The following SEMA3C variants were observed in gnomAD, a reference collection of about 807,000 sequenced individuals.
The protein encoded by SEMA3C is semaphorin-3C.
Under a neutral mutation model 89.4 loss-of-function variants are expected in SEMA3C, and 47 were observed. The ratio of observed to expected loss-of-function variants is 0.53; its 90% CI spans 0.42 to 0.67. The LOEUF is 0.67. SEMA3C is among the 30% of genes least tolerant of loss of function. SEMA3C has a pLI of 0.00. For synonymous variants in SEMA3C, 310 were observed against 320.2 expected (o/e 0.97, Z 0.34); for missense variants, 839 against 929.1 (o/e 0.90, Z 1.26).
intron 2 of SEMA3C, among the ~76,000 whole-genome samples, chr7:80,899,688 C>A (rs1171655987): frequency 1.3e-5 from 2 of 152,142 alleles, no homozygotes; most frequent in African/African-American, 4.8e-5. Context: ...AGAAACCAGG[C>A]TAGAAGAAGG....
chr7:80,782,360 G>A (rs1313790480), intron 12 of SEMA3C, among the ~76,000 whole-genome samples: 1 of 152,138 alleles, frequency 6.6e-6, no homozygotes, highest in Non-Finnish European at 1.5e-5. Flanking sequence ...ACATATGGAT[G>A]GGTTAAAATG....
chr7:80,827,066 C>CCA (rs1789888188), intron 4 of SEMA3C, among the ~76,000 whole-genome samples: 1 of 152,072 alleles, frequency 6.6e-6, no homozygotes, highest in Admixed American at 6.6e-5. Context: ...TTGGAAAAGC[C>CCA]CACAGGGTAT....
chr7:80,833,698 T>C (rs1034825225), intron 2 of SEMA3C, among the ~76,000 whole-genome samples: 3 of 152,138 alleles, frequency 2.0e-5, no homozygotes, highest in Non-Finnish European at 2.9e-5. Flanking sequence ...GCCTAGGCTA[T>C]TTTGTTAAAA....
chr7:80,750,924 A>G (rs761467963), intron 16 of SEMA3C, among the ~76,000 whole-genome samples: 3 of 152,174 alleles, frequency 2.0e-5, no homozygotes, highest in Non-Finnish European at 4.4e-5. Context: ...CAGTAAAAAA[A>G]TGCTGTTCTA....
At chr7:80,778,493 TATC>T (rs1265019016) in intron 12 of SEMA3C, among the ~76,000 whole-genome samples, 1 of 152,204 alleles carries the variant, frequency 6.6e-6, no homozygotes, top group Non-Finnish European at 1.5e-5. Context: ...CACCATTTTT[TATC>T]ATAAGATAGG....
At chr7:80,797,882 C>T (rs1356857486) in intron 11 of SEMA3C, among the ~76,000 whole-genome samples, 1 of 152,012 alleles carries the variant, frequency 6.6e-6, no homozygotes, top group African/African-American at 2.4e-5. Context: ...CTTGTAATCC[C>T]AGTTACTTAG....
intron 16 of SEMA3C, among the ~76,000 whole-genome samples, 195 bp from the exon 17 acceptor site, chr7:80,749,223 G>A (rs7797670): frequency 0.46 from 70,120 of 151,952 alleles, 16,225 homozygotes; most frequent in South Asian, 0.5. Flanking sequence ...GTTTGTGTAA[G>A]GGGAAGGAAA....
In SEMA3C at chr7:80,758,367, C is replaced by T; in HGVS notation, c.1607G>A (p.Gly536Asp). The change falls in exon 15 of 18, where the codon GGC becomes GAC. Residue 536 changes from glycine to aspartate, a missense_variant. Transcript: ENST00000265361. ...TGGGTAGAATCTGGAACAGGAATGGCCATCCCAGGCGCAATAAGGGTCCCG... is the reference window on the plus strand; with the variant it reads ...TGGGTAGAATCTGGAACAGGAATGGTCATCCCAGGCGCAATAAGGGTCCCG... Reference protein sequence around the residue: ...LARDPYCAWDGHSCSRFYPTG... With the variant: ...LARDPYCAWDDHSCSRFYPTG... The T allele has an allele frequency of 6.2e-7, 1 of 1,613,824 alleles. No homozygotes were observed. The highest frequency in any genetic ancestry group is 8.5e-7 in the Non-Finnish European group (1 of 1,179,938).
At chr7:80,809,782 A>G (rs1412996643) in intron 6 of SEMA3C, among the ~76,000 whole-genome samples, 1 of 152,226 alleles carries the variant, frequency 6.6e-6, no homozygotes, top group Non-Finnish European at 1.5e-5. Context: ...GCCTTAAAAA[A>G]GAATGAAATT....
At chr7:80,770,806 G>C (rs1210259065) in intron 12 of SEMA3C, among the ~76,000 whole-genome samples, 3 of 152,200 alleles carry the variant, frequency 2.0e-5, no homozygotes, top group African/African-American at 7.2e-5. Context: ...TGCCCTTCCT[G>C]GGAATGAGGT....
chr7:80,871,196 A>C (rs886705666), intron 2 of SEMA3C, among the ~76,000 whole-genome samples: 1 of 152,246 alleles, frequency 6.6e-6, no homozygotes, highest in Non-Finnish European at 1.5e-5. Flanking sequence ...CCAATAAAAA[A>C]GTCAAGAGGG....
In SEMA3C at chr7:80,888,177, C is replaced by T. The variant is rs192212914; in HGVS notation, c.103+28502G>A. On this transcript the variant is annotated intron_variant, in intron 2 of 17. Coordinates refer to ENST00000265361, the MANE Select transcript of SEMA3C (RefSeq NM_006379.5). Reference sequence around the variant, plus strand: ...CTGTAAATCCCAGCACTTTGAGAGGCTGAGGCAGGAGGATCCCTTGAGCTC... The same window carrying T: ...CTGTAAATCCCAGCACTTTGAGAGGTTGAGGCAGGAGGATCCCTTGAGCTC... Among the ~76,000 whole-genome samples, 23 of 152,220 alleles carry T rather than the reference C, an allele frequency of 1.5e-4. No individual in the cohort carries two copies. The East Asian group carries it at 4.4e-3, about 29-fold the overall frequency.
At chr7:80,784,986 C>T (rs891917576) in intron 12 of SEMA3C, among the ~76,000 whole-genome samples, 7 of 152,086 alleles carry the variant, frequency 4.6e-5, no homozygotes, top group Non-Finnish European at 1.0e-4. Flanking sequence ...GGTCAGAGGA[C>T]AACGCTCACT....
intron 2 of SEMA3C, among the ~76,000 whole-genome samples, chr7:80,838,688 C>T (rs1790194265): frequency 6.6e-6 from 1 of 152,110 alleles, no homozygotes; most frequent in Non-Finnish European, 1.5e-5. Context: ...AGGAAACTTA[C>T]AATCATGGTG....
At chr7:80,858,833 T>C (rs772297193) in intron 2 of SEMA3C, among the ~76,000 whole-genome samples, 2 of 152,160 alleles carry the variant, frequency 1.3e-5, no homozygotes, top group African/African-American at 2.4e-5. Context: ...CCACTTTAAA[T>C]AGAGCAAGTA....
At chr7:80,864,324 C>T (rs986634663) in intron 2 of SEMA3C, among the ~76,000 whole-genome samples, 25 of 151,982 alleles carry the variant, frequency 1.6e-4, no homozygotes, top group Admixed American at 1.6e-3. Context: ...GCACCAGAAT[C>T]TCGCAAATCA....
Position 80,854,711 on chromosome 7 carries a change from C to A in SEMA3C, c.104-25966G>T, listed in dbSNP as rs539800041. Among the ~76,000 whole-genome samples the A allele has an allele frequency of 2.2e-4, 34 of 152,244 alleles. 1 individual carries two copies. In the South Asian group the frequency reaches 6.2e-3, roughly 28 times the overall value. ...ACATCTTTATGGAGAGGGTATTTAT[C>A]CAACAACGAAATCCAGTTAGCTTAT... is the stretch of plus-strand genomic sequence containing the variant. On this transcript the variant is annotated intron_variant, in intron 2 of 17. Transcript: ENST00000265361.
chr7:80,765,304 C>T (rs546801784), intron 12 of SEMA3C, 61 bp from the exon 13 acceptor site: 1 of 1,205,068 alleles, frequency 8.3e-7, no homozygotes, highest in East Asian at 2.4e-5. Context: ...GCTATTTAGA[C>T]ATAGGACTAC....
intron 2 of SEMA3C, among the ~76,000 whole-genome samples, chr7:80,833,757 G>A (rs1208132150): frequency 1.3e-5 from 2 of 151,892 alleles, no homozygotes; most frequent in African/African-American, 4.8e-5. Flanking sequence ...TACGACTTGG[G>A]GAGAGAAACG....
Sources: allele counts gnomAD v4.1 joint callset (sites outside exome capture counted in the v4.1 genomes callset), GRCh38; gene constraint gnomAD v4.1.1; transcripts MANE v1.5; gene names NCBI Gene and HGNC (gene_info 2026-07-23, HGNC 2026-07-21).